Variants in TENM1 observed in about 807,000 individuals in gnomAD.
TENM1 encodes the protein teneurin-1.
In TENM1, 35 loss-of-function variants were observed where a neutral mutation model predicts 174.8. That is an observed-to-expected ratio of 0.20 (90% CI 0.15 to 0.27). The LOEUF (loss-of-function observed/expected upper bound fraction) is 0.27. Ranked by LOEUF, TENM1 falls within the 10% of genes least tolerant of loss-of-function variation. The pLI is 1.00. For missense variants in TENM1, 1,633 were observed against 2,130.1 expected, an observed-to-expected ratio of 0.77 and a Z score of 4.59; for synonymous variants, 781 against 798.7, an observed-to-expected ratio of 0.98 and a Z score of 0.37.
chrX:124,789,040 T>C (rs1341351026), intron 3 of TENM1, among the ~76,000 whole-genome samples: 1 of 112,268 alleles, frequency 8.9e-6, no homozygotes, highest in Non-Finnish European at 1.9e-5. Flanking sequence ...CCATACATCT[T>C]CTGAAATCTA....
At chrX:124,894,426 C>G in intron 2 of TENM1, 74 bp from the exon 6 acceptor site, 1 of 772,440 alleles carries the variant, frequency 1.3e-6, no homozygotes, top group Non-Finnish European at 1.9e-6. Flanking sequence ...AACCCTTACC[C>G]TTCATCTAGT....
At chrX:124,984,370 C>T in the TENM1 span, among the ~76,000 whole-genome samples, 7 of 112,273 alleles carry the variant, frequency 6.2e-5, no homozygotes, top group African/African-American at 1.3e-4. Context: ...CTAATTGGGA[C>T]GAAACGGGTT....
At chrX:124,509,801 G>C (rs1352385701) in intron 18 of TENM1, among the ~76,000 whole-genome samples, 1 of 101,836 alleles carries the variant, frequency 9.8e-6, no homozygotes. Context: ...GCTCATTGTA[G>C]CCTCCACCTC....
Position 124,385,766 on chromosome X carries a change from G to T in TENM1, c.5987C>A (p.Thr1996Lys), listed in dbSNP as rs1315204943. The stretch of plus-strand genomic sequence containing the variant: ...TCCAGAAGACTCTTCATATGTTAAT[G>T]TGACCTGAGTGGTATCATAGAGAAC... The change falls in exon 29 of 32, where the codon ACA becomes AAA. Residue 1996 changes from threonine to lysine, a missense_variant. By Grantham distance (78) the Thr-to-Lys change is moderately conservative (BLOSUM62 -1). Transcript: ENST00000422452. 41 of 1,208,972 alleles carry T rather than the reference G, an allele frequency of 3.4e-5. No homozygotes were observed. Among genetic ancestry groups the T allele is most frequent in the Non-Finnish European group, 4.5e-5 (40 of 894,231 alleles).
intron 2 of TENM1, among the ~76,000 whole-genome samples, chrX:124,895,712 TAAAC>T (rs778887532): frequency 3.6e-5 from 4 of 112,195 alleles, no homozygotes; most frequent in Non-Finnish European, 7.5e-5. Flanking sequence ...AGGTGAGTAA[TAAAC>T]AAAACATGCA....
the TENM1 span, among the ~76,000 whole-genome samples, chrX:125,048,462 T>C: frequency 9.0e-6 from 1 of 110,532 alleles, no homozygotes; most frequent in Non-Finnish European, 1.9e-5. Context: ...TATTGTCTCA[T>C]TATTCCTTGG....
chrX:125,138,522 G>GTT, the TENM1 span, among the ~76,000 whole-genome samples: 1 of 111,577 alleles, frequency 9.0e-6, no homozygotes, highest in Non-Finnish European at 1.9e-5. Flanking sequence ...TAAGTGTGGG[G>GTT]AATGCCACAA....
chrX:124,924,001 T>A (rs753698476), intron 1 of TENM1, among the ~76,000 whole-genome samples: 5 of 112,552 alleles, frequency 4.4e-5, no homozygotes, highest in Admixed American at 1.9e-4. Context: ...GTTGTTATAG[T>A]GGCAATAGAA....
At chrX:124,552,654 T>C (rs72610648) in intron 14 of TENM1, among the ~76,000 whole-genome samples, 1 of 112,132 alleles carries the variant, frequency 8.9e-6, no homozygotes, top group Non-Finnish European at 1.9e-5. Context: ...GTCTGAACAA[T>C]GACTTATTAC....
At chrX:124,735,659 A>G (rs1346248622) in intron 4 of TENM1, among the ~76,000 whole-genome samples, 1 of 112,041 alleles carries the variant, frequency 8.9e-6, no homozygotes, top group Non-Finnish European at 1.9e-5. Context: ...AGCACAATAC[A>G]CAAGAGCAAA....
chrX:124,646,135 T>C (rs2051152252), intron 9 of TENM1, among the ~76,000 whole-genome samples: 1 of 112,275 alleles, frequency 8.9e-6, no homozygotes. Context: ...GAAAACATGA[T>C]GTGATTTACC....
the TENM1 span, among the ~76,000 whole-genome samples, chrX:125,002,500 C>T: frequency 2.7e-5 from 3 of 110,799 alleles, no homozygotes; most frequent in Non-Finnish European, 5.7e-5. Context: ...TATCTAGGGT[C>T]GTTTCCTGCT....
chrX:124,397,688 C>T (rs1243209630), intron 27 of TENM1, among the ~76,000 whole-genome samples: 2 of 110,204 alleles, frequency 1.8e-5, no homozygotes, highest in Non-Finnish European at 1.9e-5. Context: ...ACCTCCACCT[C>T]CCGGGTTCAA....
chrX:124,460,068 T>C (rs2061152403), intron 22 of TENM1, among the ~76,000 whole-genome samples: 1 of 111,246 alleles, frequency 9.0e-6, no homozygotes, highest in East Asian at 2.8e-4. Context: ...TTATTAAAAG[T>C]CAAAAAATAA....
At chrX:124,592,667 T>G (rs187279776) in intron 11 of TENM1, among the ~76,000 whole-genome samples, 3 of 109,888 alleles carry the variant, frequency 2.7e-5, no homozygotes, top group African/African-American at 9.9e-5. Flanking sequence ...ACTCTTGACC[T>G]CAGGCGATCT....
intron 6 of TENM1, among the ~76,000 whole-genome samples, chrX:124,655,110 G>A (rs899063935): frequency 4.5e-5 from 5 of 111,340 alleles, no homozygotes; most frequent in African/African-American, 1.3e-4. Context: ...TGCCCATGTC[G>A]CATGGTCTAC....
chrX:124,747,979 A>G (rs1367634983), intron 3 of TENM1, among the ~76,000 whole-genome samples: 1 of 111,905 alleles, frequency 8.9e-6, no homozygotes, highest in African/African-American at 3.2e-5. Context: ...CTTCCCCTGT[A>G]CTTCATGGAG....
chrX:124,398,110 C>T (rs2060357705), intron 27 of TENM1, among the ~76,000 whole-genome samples: 1 of 108,788 alleles, frequency 9.2e-6, no homozygotes, highest in African/African-American at 3.3e-5. Context: ...CGCCTGTAAT[C>T]CCAGCTACTC....
the TENM1 span, among the ~76,000 whole-genome samples, chrX:125,119,505 T>C: frequency 9.1e-6 from 1 of 110,220 alleles, no homozygotes; most frequent in African/African-American, 3.3e-5. Flanking sequence ...TCTTCTGCAC[T>C]ATACAAAGCA....
Sources: gnomAD v4.1 joint callset for allele counts (sites outside exome capture counted in the v4.1 genomes callset) on GRCh38, gnomAD v4.1.1 for gene constraint, MANE v1.5 for transcripts, NCBI Gene and HGNC (gene_info 2026-07-23, HGNC 2026-07-21) for gene names.